Variants in CD207 observed in about 807,000 individuals in gnomAD.
CD207 encodes the protein C-type lectin domain family 4 member K.
CD207 carries 28 observed loss-of-function variants against 31.6 expected under a neutral mutation model. The observed-to-expected ratio is 0.89, with a 90% confidence interval of 0.66 to 1.21. The LOEUF (loss-of-function observed/expected upper bound fraction) is 1.21. Among genes scored for constraint, CD207 ranks in the 50% most tolerant of loss-of-function variants. CD207 has a pLI of 0.00. For synonymous variants in CD207, 168 were observed against 153.9 expected (o/e 1.09, Z -0.68); for missense variants, 388 against 397.8 (o/e 0.98, Z 0.21).
chr2:70,827,357 C>T (rs1008563686), downstream of CD207, among the ~76,000 whole-genome samples: 1 of 152,092 alleles, frequency 6.6e-6, no homozygotes, highest in Non-Finnish European at 1.5e-5. Flanking sequence ...AGAAAGTTGC[C>T]TTGGGACAGA....
rs3732245 is a variant in CD207 at position 70,830,698 on chromosome 2, T to C, written c.*352A>G. ...TATCAGGAGAATTGCTTGGTTGCTCTGGAGTAACTTTGATGTGATGAAGCT... is the reference window on the plus strand; with the variant it reads ...TATCAGGAGAATTGCTTGGTTGCTCCGGAGTAACTTTGATGTGATGAAGCT... On this transcript the variant is annotated 3_prime_UTR_variant, in exon 6 of 6. Transcript: ENST00000410009. 292 of 183,600 alleles carry C rather than the reference T, an allele frequency of 1.6e-3. 9 individuals carry two copies. In the East Asian group the frequency reaches 0.041, roughly 26 times the overall value. The allele number at this position is 183,600 out of a possible 1,614,324, so 11.4% of individuals were successfully genotyped here.
In CD207 at chr2:70,831,846, G is replaced by T. The variant is rs148832687; in HGVS notation, c.718-27C>A. 2.6e-4 allele frequency: 365 copies of T among 1,414,530 alleles called. No individual in the cohort carries two copies. The African/African-American group carries it at 4.5e-3, about 18-fold the overall frequency. 87.6% of individuals were successfully genotyped at this position (1,414,530 alleles called of 1,614,324 possible). On this transcript the variant is annotated intron_variant, in intron 4 of 5. Coordinates refer to ENST00000410009, the MANE Select transcript of CD207 (RefSeq NM_015717.5). The stretch of plus-strand genomic sequence containing the variant: ...TGTAGGAAAGACAGGATAAGCAGAG[G>T]TGCGGCCACACTTGGAGCTTGATCA...
chr2:70,826,448 C>T (rs1677346663), downstream of CD207, among the ~76,000 whole-genome samples: 1 of 152,194 alleles, frequency 6.6e-6, no homozygotes, highest in Non-Finnish European at 1.5e-5. Flanking sequence ...GTGATCACAG[C>T]TCACTGCAGC....
chr2:70,830,651 C>G lies in CD207; in HGVS notation c.*399G>C, dbSNP rs568121999. The G allele has an allele frequency of 6.9e-4, 112 of 162,494 alleles. 1 individual carries two copies. The highest frequency in any genetic ancestry group is 2.5e-3 in the African/African-American group (104 of 41,858). The allele number at this position is 162,494 out of a possible 1,614,324, so 10.1% of individuals were successfully genotyped here. ...ACATGGAAATTCTAGGGGGTTTGGC[C>G]AAGAAAAGCCCTGGATGACAATATC... is the stretch of plus-strand genomic sequence containing the variant. On this transcript the variant is annotated 3_prime_UTR_variant, in exon 6 of 6. Transcript: ENST00000410009.
rs2104703618 is a variant in CD207, at chr2:70,833,968, C to T, written c.243G>A (p.Leu81=). ...TGCTGATGTTGTCCACACGACCTTT[C>T]AGCAACTGGACATTGGTCTTTACAT... is the stretch of plus-strand genomic sequence containing the variant. ...ISDVKTNVQL[L]KGRVDNISTL... Residue 81 remains leucine (L), a synonymous_variant, in exon 3 of 6, where the codon CTG becomes CTA. Coordinates refer to ENST00000410009, the MANE Select transcript of CD207 (RefSeq NM_015717.5). 6.5e-7 allele frequency: 1 copy of T among 1,538,984 alleles called. No individual in the cohort carries two copies. The highest frequency in any genetic ancestry group is 8.7e-7 in the Non-Finnish European group (1 of 1,144,124).
chr2:70,835,484 G>A lies in CD207; in HGVS notation c.190+7C>T. The A allele has an allele frequency of 6.3e-7, 1 of 1,599,412 alleles. No individual in the cohort carries two copies. Among genetic ancestry groups the A allele is most frequent in the Non-Finnish European group, 8.6e-7 (1 of 1,167,460 alleles). ...CTAAGCCCAGACGATGAAACATGAGGACTTACAAAGGACGGCCTGCAGCAG... is the reference window on the plus strand; with the variant it reads ...CTAAGCCCAGACGATGAAACATGAGAACTTACAAAGGACGGCCTGCAGCAG... On this transcript the variant is annotated splice_region_variant and intron_variant, in intron 2 of 5. Coordinates refer to ENST00000410009, the MANE Select transcript of CD207 (RefSeq NM_015717.5).
chr2:70,831,049 G>C lies in CD207; in HGVS notation c.*1C>G. The C allele has an allele frequency of 4.3e-6, 7 of 1,612,946 alleles. No individual in the cohort carries two copies. In the South Asian group the frequency reaches 7.7e-5, roughly 18 times the overall value. Reference sequence around the variant, plus strand: ...AAGAGTGAGCTTGGGAGCCTGTCCTGTCACGGTTCTGATGGGACATAGGGT... The same window carrying C: ...AAGAGTGAGCTTGGGAGCCTGTCCTCTCACGGTTCTGATGGGACATAGGGT... On this transcript the variant is annotated 3_prime_UTR_variant, in exon 6 of 6. Coordinates refer to ENST00000410009, the MANE Select transcript of CD207 (RefSeq NM_015717.5).
At position 70,835,750 on chromosome 2, in the gene CD207, A is replaced by G; in HGVS notation, c.27T>C (p.Asp9=). 2 of 1,612,970 alleles carry G rather than the reference A, an allele frequency of 1.2e-6. No homozygotes were observed. The highest frequency in any genetic ancestry group is 1.7e-6 in the Non-Finnish European group (2 of 1,179,544). ...TCTGTTTGTCCACAGTGAAGTGCGC[A>G]TCAGGGGCCTCCTTCTCCACAGTCA... MTVEKEAP[D]AHFTVDKQNI... The change falls in exon 1 of 6, where the codon GAT becomes GAC. Residue 9 remains aspartate, a synonymous_variant. Coordinates refer to ENST00000410009, the MANE Select transcript of CD207 (RefSeq NM_015717.5).
chr2:70,825,216 C>T (rs1677317130), downstream of CD207, among the ~76,000 whole-genome samples: 1 of 152,112 alleles, frequency 6.6e-6, no homozygotes, highest in Non-Finnish European at 1.5e-5. Flanking sequence ...CAGTGGGCTC[C>T]TCAAAACTGT....
At position 70,831,181 on chromosome 2, in the gene CD207, G is replaced by A. The variant is rs1558627242; in HGVS notation, c.856C>T (p.Pro286Ser). The A allele has an allele frequency of 6.2e-7, 1 of 1,613,594 alleles. No homozygotes were observed. Among genetic ancestry groups the A allele is most frequent in the East Asian group, 2.2e-5 (1 of 44,890 alleles). ...QSVRFWIPGE[P>S]NNAGNNEHCG... ...TGTTCATTGTTCCCAGCATTGTTGGGCTCACCTGGAATCCAGAACCTACCA... is the reference window on the plus strand; with the variant it reads ...TGTTCATTGTTCCCAGCATTGTTGGACTCACCTGGAATCCAGAACCTACCA... Residue 286 changes from proline (P) to serine (S), a missense_variant, in exon 6 of 6, where the codon CCC becomes TCC. Transcript: ENST00000410009.
Position 70,831,041 on chromosome 2 carries a change from C to G in CD207, c.*9G>C. ...GGAGCTCAAAGAGTGAGCTTGGGAG[C>G]CTGTCCTGTCACGGTTCTGATGGGA... On this transcript the variant is annotated 3_prime_UTR_variant, in exon 6 of 6. Coordinates refer to ENST00000410009, the MANE Select transcript of CD207 (RefSeq NM_015717.5). 2 of 1,610,808 alleles carry G rather than the reference C, an allele frequency of 1.2e-6. No homozygotes were observed. Among genetic ancestry groups the G allele is most frequent in the East Asian group, 4.5e-5 (2 of 44,832 alleles).
At chr2:70,828,428 T>A (rs1490916482), downstream of CD207, among the ~76,000 whole-genome samples, 4 of 152,160 alleles carry the variant, frequency 2.6e-5, no homozygotes, top group African/African-American at 9.7e-5. Context: ...AGACTCCAGA[T>A]AAAAACACAT....
intron 3 of CD207, among the ~76,000 whole-genome samples, chr2:70,833,404 A>C (rs1366446038): frequency 6.6e-6 from 1 of 152,086 alleles, no homozygotes; most frequent in Admixed American, 6.5e-5. Flanking sequence ...GACATCCCCT[A>C]ATGCTTTTAC....
At position 70,833,965 on chromosome 2, in the gene CD207, T is replaced by C. The variant is rs111353551; in HGVS notation, c.246A>G (p.Lys82=). The change falls in exon 3 of 6, where the codon AAA becomes AAG. Residue 82 remains lysine (K), a synonymous_variant. Transcript: ENST00000410009. ...SDVKTNVQLL[K]GRVDNISTLD... ...GGGTGCTGATGTTGTCCACACGACC[T>C]TTCAGCAACTGGACATTGGTCTTTA... 11 of 1,539,692 alleles carry C rather than the reference T, an allele frequency of 7.1e-6. No homozygotes were observed. The highest frequency in any genetic ancestry group is 5.5e-5 in the African/African-American group (4 of 72,656).
At chr2:70,833,462 C>A (rs1677526946) in intron 3 of CD207, among the ~76,000 whole-genome samples, 184 bp downstream of exon 3, 1 of 152,128 alleles carries the variant, frequency 6.6e-6, no homozygotes, top group African/African-American at 2.4e-5. Flanking sequence ...GGTCTCTTTT[C>A]TCCTAACAGC....
chr2:70,828,866 A>G (rs1677405059), downstream of CD207, among the ~76,000 whole-genome samples: 1 of 152,072 alleles, frequency 6.6e-6, no homozygotes, highest in Non-Finnish European at 1.5e-5. Flanking sequence ...GGGTTTCACC[A>G]TGTTGGCCAG....
the CD207 span, among the ~76,000 whole-genome samples, chr2:70,824,326 T>C: frequency 1.3e-5 from 2 of 151,938 alleles, no homozygotes; most frequent in African/African-American, 4.8e-5. Context: ...CTGTTCTCCC[T>C]GCCTCTCCTC....
Position 70,835,385 on chromosome 2 carries a change from C to T in CD207, c.190+106G>A, listed in dbSNP as rs151336158. 5.9e-3 allele frequency: 4,624 copies of T among 779,052 alleles called. 28 individuals carry two copies. Among genetic ancestry groups the T allele is most frequent in the South Asian group, 8.6e-3 (590 of 68,220 alleles). 48.3% of individuals were successfully genotyped at this position (779,052 alleles called of 1,614,324 possible). On this transcript the variant is annotated intron_variant, in intron 2 of 5. Coordinates refer to ENST00000410009, the MANE Select transcript of CD207 (RefSeq NM_015717.5). ...AGGAGGAAGGAGACAAATGAAAAAG[C>T]CACAGGCAGGAGAAACCCGGAGAGC... is the stretch of plus-strand genomic sequence containing the variant.
chr2:70,832,605 A>G (rs1395932325), intron 4 of CD207, among the ~76,000 whole-genome samples: 1 of 152,166 alleles, frequency 6.6e-6, no homozygotes, highest in Non-Finnish European at 1.5e-5. Flanking sequence ...GTAAGCAAAA[A>G]TGAGGTATGT....
Sources: gnomAD v4.1 joint callset for allele counts (sites outside exome capture counted in the v4.1 genomes callset) on GRCh38, gnomAD v4.1.1 for gene constraint, MANE v1.5 for transcripts, NCBI Gene and HGNC (gene_info 2026-07-23, HGNC 2026-07-21) for gene names.